The following POM121 variants were observed in gnomAD, a reference collection of about 807,000 sequenced individuals.
POM121 encodes the protein POM121 transmembrane nucleoporin, also known as nuclear envelope pore membrane protein POM 121.
In POM121, 32 loss-of-function variants were observed where a neutral mutation model predicts 81.3. The ratio of observed to expected loss-of-function variants is 0.39; its 90% CI spans 0.30 to 0.53. The LOEUF (loss-of-function observed/expected upper bound fraction) is 0.53, where lower values mean the gene tolerates loss of function less well. Among genes scored for constraint, POM121 ranks in the 20% least tolerant of loss-of-function variants. POM121 has a pLI of 0.66. For synonymous variants in POM121, 514 were observed against 694.2 expected (o/e 0.74, Z 4.08); for missense variants, 1,138 against 1,614.6 (o/e 0.70, Z 5.06).
chr7:72,915,952 G>A (rs1456614676), intron 4 of POM121, among the ~76,000 whole-genome samples: 2 of 152,236 alleles, frequency 1.3e-5, no homozygotes, highest in Admixed American at 6.5e-5. Flanking sequence ...TTACAGGCGT[G>A]AGCCACCGTG....
At chr7:72,904,668 G>A (rs1463692356) in intron 3 of POM121, among the ~76,000 whole-genome samples, 1 of 152,188 alleles carries the variant, frequency 6.6e-6, no homozygotes, top group Non-Finnish European at 1.5e-5. Context: ...CCATTTTGAA[G>A]TTGCTTTTTT....
At chr7:72,895,857 T>C (rs1416753362) in intron 3 of POM121, among the ~76,000 whole-genome samples, 7 of 151,730 alleles carry the variant, frequency 4.6e-5, no homozygotes, top group African/African-American at 7.3e-5. Flanking sequence ...TGCAGTGAGC[T>C]GAGATCGCGC....
intron 3 of POM121, among the ~76,000 whole-genome samples, chr7:72,907,800 C>A (rs547903931): frequency 6.6e-6 from 1 of 152,134 alleles, no homozygotes; most frequent in Admixed American, 6.6e-5. Context: ...CGTGAGCCAC[C>A]GCGCCCAGCC....
In POM121 at chr7:72,891,111, G is replaced by A. The variant is rs1791255833; in HGVS notation, c.-216+1G>A. On this transcript the variant is annotated splice_donor_variant, in intron 3 of 15. Coordinates refer to the POM121 transcript ENST00000395270. LOFTEE classifies it low-confidence loss of function (5UTR_SPLICE). ...GAATTTCCATGTCAACATAGTCCAGGTAAGTTAGTAGAGTATCAAATGTTA... is the reference window on the plus strand; with the variant it reads ...GAATTTCCATGTCAACATAGTCCAGATAAGTTAGTAGAGTATCAAATGTTA... 6 of 1,068,178 alleles carry A rather than the reference G, an allele frequency of 5.6e-6. No individual in the cohort carries two copies. Among genetic ancestry groups the A allele is most frequent in the Non-Finnish European group, 8.5e-6 (6 of 704,586 alleles). 66.2% of individuals were successfully genotyped at this position (1,068,178 alleles called of 1,614,324 possible). A position where few individuals can be genotyped will look rare whatever the true frequency, so the allele number is the denominator to read the frequency against.
intron 3 of POM121, among the ~76,000 whole-genome samples, chr7:72,905,826 G>T (rs571234315): frequency 1.3e-5 from 2 of 152,184 alleles, no homozygotes; most frequent in Non-Finnish European, 2.9e-5. Flanking sequence ...TCCATTGGTC[G>T]ATGATGGTGT....
At chr7:72,897,957 T>C (rs1792136294) in intron 3 of POM121, among the ~76,000 whole-genome samples, 1 of 152,170 alleles carries the variant, frequency 6.6e-6, no homozygotes, top group African/African-American at 2.4e-5. Context: ...AAGTCATGGC[T>C]GCAGTGAGCT....
At chr7:72,933,752 A>G (rs1167077796) in intron 5 of POM121, among the ~76,000 whole-genome samples, 1 of 152,262 alleles carries the variant, frequency 6.6e-6, no homozygotes, top group Non-Finnish European at 1.5e-5. Flanking sequence ...AAATGGATAC[A>G]AGGATTTAAT....
chr7:72,933,161 G>A (rs556943920), intron 5 of POM121, among the ~76,000 whole-genome samples: 12 of 152,064 alleles, frequency 7.9e-5, no homozygotes, highest in Admixed American at 7.9e-4. Flanking sequence ...AGACCAGCCT[G>A]GCCAACGTGG....
intron 1 of POM121, among the ~76,000 whole-genome samples, chr7:72,888,677 T>A (rs1342602135): frequency 2.6e-5 from 3 of 116,874 alleles, no homozygotes; most frequent in Non-Finnish European, 5.8e-5. Flanking sequence ...GGCATAAGAG[T>A]GTGTGTGTGT....
chr7:72,915,827 C>T (rs1381226237), intron 4 of POM121, among the ~76,000 whole-genome samples: 1 of 152,170 alleles, frequency 6.6e-6, no homozygotes, highest in African/African-American at 2.4e-5. Context: ...CGCCCACCAC[C>T]ATGCCAGGCT....
rs544956754 is a variant in POM121, at chr7:72,927,491, C to T, written c.1022+528C>T. On this transcript the variant is annotated intron_variant, in intron 3 of 12. Transcript: ENST00000434423. ...TTGAGAGGCCGACACGGGTGGATCACCTGAGGTCAGGAGTTCGAGACCAGC... is the reference window on the plus strand; with the variant it reads ...TTGAGAGGCCGACACGGGTGGATCATCTGAGGTCAGGAGTTCGAGACCAGC... Among the ~76,000 whole-genome samples the T allele has an allele frequency of 3.0e-4, 46 of 152,266 alleles. No individual in the cohort carries two copies. In the Middle Eastern group the frequency reaches 0.014, roughly 45 times the overall value.
At chr7:72,899,871 G>A (rs541349981) in intron 3 of POM121, among the ~76,000 whole-genome samples, 5 of 152,006 alleles carry the variant, frequency 3.3e-5, no homozygotes, top group East Asian at 1.9e-4. Context: ...GAGCCACCAC[G>A]CCTGGTGCTT....
intron 1 of POM121, among the ~76,000 whole-genome samples, chr7:72,889,245 T>C (rs1320915909): frequency 3.9e-5 from 6 of 152,254 alleles, no homozygotes; most frequent in African/African-American, 1.4e-4. Flanking sequence ...AGCTTGGATG[T>C]TCTGCTTTAG....
At chr7:72,897,095 T>C (rs1181480657) in intron 3 of POM121, among the ~76,000 whole-genome samples, 1 of 152,000 alleles carries the variant, frequency 6.6e-6, no homozygotes, top group Admixed American at 6.6e-5. Context: ...AAGGTTGCAG[T>C]GAGCCGAGAT....
At chr7:72,936,335 G>A (rs1221480809) in intron 5 of POM121, among the ~76,000 whole-genome samples, 1 of 150,968 alleles carries the variant, frequency 6.6e-6, no homozygotes, top group African/African-American at 2.4e-5. Context: ...GCTAATTTTT[G>A]TATTCCTTTT....
chr7:72,890,734 C>T (rs1791221433), exon 2 of POM121: 1 of 1,601,874 alleles, frequency 6.2e-7, no homozygotes, highest in Non-Finnish European at 8.5e-7. Context: ...TGGAGAACTA[C>T]AGCCATCTAG....
At position 72,930,041 on chromosome 7, in the gene POM121, C is replaced by T. The variant is rs1178464651; in HGVS notation, c.1205C>T (p.Ala402Val). The T allele has an allele frequency of 6.2e-7, 1 of 1,614,020 alleles. No individual in the cohort carries two copies. The highest frequency in any genetic ancestry group is 1.3e-5 in the African/African-American group (1 of 75,058). ...SSMSSLTGAY[A>V]SGIPSSSRNA... The stretch of plus-strand genomic sequence containing the variant: ...ATGAGCTCCTTGACAGGCGCTTACG[C>T]AAGTGGCATCCCTAGCTCCAGCCGC... Residue 402 changes from alanine (A) to valine (V), a missense_variant, in exon 5 of 13, where the codon GCA becomes GTA. Around this residue, in one of 7 missense-constraint regions of POM121, gnomAD observed 646 missense variants for 633.5 expected, o/e 1.02. Coordinates refer to ENST00000434423, the MANE Select transcript of POM121 (RefSeq NM_001387691.1).
Position 72,943,464 on chromosome 7 carries a change from G to T in POM121, c.3471G>T (p.Gln1157His). The change falls in exon 11 of 13, where the codon CAG becomes CAT. Residue 1157 changes from glutamine to histidine, a missense_variant. Around this residue, in one of 7 missense-constraint regions of POM121, gnomAD observed 336 missense variants for 344.3 expected, o/e 0.98. Coordinates refer to ENST00000434423, the MANE Select transcript of POM121 (RefSeq NM_001387691.1). ...LGQNALGTTG[Q>H]STPFAFNVSS... is the part of the protein sequence containing the mutation. ...AGAACGCCCTGGGCACCACCGGCCA[G>T]AGCACACCGTTTGCCTTCAACGTGA... is the stretch of plus-strand genomic sequence containing the variant. 1 of 1,612,870 alleles carries T rather than the reference G, an allele frequency of 6.2e-7. No homozygotes were observed. Among genetic ancestry groups the T allele is most frequent in the Admixed American group, 1.7e-5 (1 of 60,008 alleles).
At position 72,933,698 on chromosome 7, in the gene POM121, C is replaced by T. The variant is rs1796242521; in HGVS notation, c.1275+3587C>T. On this transcript the variant is annotated intron_variant, in intron 5 of 12. Transcript: ENST00000434423. ...ATAAGAGATACATGCACCCTTTGAT[C>T]AAGCAGCTTTACCTTTAGGAAGTTA... Among the ~76,000 whole-genome samples, 5 of 152,206 alleles carry T rather than the reference C, an allele frequency of 3.3e-5. No homozygotes were observed. In the South Asian group the frequency reaches 1.0e-3, roughly 31 times the overall value.
Sources: gnomAD v4.1 joint callset for allele counts (sites outside exome capture counted in the v4.1 genomes callset) on GRCh38, gnomAD v4.1.1 for gene constraint, gnomAD v4.1.1 regional missense constraint, MANE v1.5 for transcripts, NCBI Gene and HGNC (gene_info 2026-07-23, HGNC 2026-07-21) for gene names.